The following RFX3 variants were observed in gnomAD, a reference collection of about 807,000 sequenced individuals.
RFX3 encodes regulatory factor X3, also known as transcription factor RFX3.
In RFX3, 14 loss-of-function variants were observed where a neutral mutation model predicts 98.6. The ratio of observed to expected loss-of-function variants is 0.14; its 90% CI spans 0.09 to 0.22. The LOEUF (loss-of-function observed/expected upper bound fraction) is 0.22, where lower values mean the gene tolerates loss of function less well. Ranked by LOEUF, RFX3 falls within the 10% of genes least tolerant of loss-of-function variation. The pLI, the probability that RFX3 is intolerant of heterozygous loss-of-function variation, is 1.00. For missense variants in RFX3, 639 were observed against 926.9 expected (o/e 0.69, Z 4.03); for synonymous variants, 383 against 328.4 (o/e 1.17, Z -1.80).
chr9:3,375,249 T>A (rs1838328544), intron 2 of RFX3, among the ~76,000 whole-genome samples: 2 of 152,220 alleles, frequency 1.3e-5, no homozygotes, highest in South Asian at 4.1e-4. Flanking sequence ...CCAGTCAGAA[T>A]TATAGGAGTG....
chr9:3,275,137 T>C (rs978790594), intron 9 of RFX3, among the ~76,000 whole-genome samples: 2 of 151,820 alleles, frequency 1.3e-5, no homozygotes, highest in Admixed American at 1.3e-4. Context: ...ATAAAGAAAT[T>C]ATAACCAATC....
chr9:3,233,893 ATCAT>A (rs1563774148), intron 15 of RFX3, among the ~76,000 whole-genome samples: 1 of 152,176 alleles, frequency 6.6e-6, no homozygotes, highest in African/African-American at 2.4e-5. Context: ...TATAAATATC[ATCAT>A]TATCTCCCAA....
intron 2 of RFX3, chr9:3,364,465 G>A (rs745833585): frequency 1.2e-4 from 31 of 261,812 alleles, no homozygotes; most frequent in African/African-American, 7.0e-5. Context: ...GAAGTTATTT[G>A]CTTCTTTGAA....
At chr9:3,505,181 T>A (rs1263741840) in intron 1 of RFX3, among the ~76,000 whole-genome samples, 2 of 96,962 alleles carry the variant, frequency 2.1e-5, no homozygotes, top group Non-Finnish European at 3.6e-5. Flanking sequence ...TTCATATAAA[T>A]ATATATATGA....
chr9:3,280,875 G>A (rs1450493227), intron 7 of RFX3, among the ~76,000 whole-genome samples: 1 of 151,576 alleles, frequency 6.6e-6, no homozygotes, highest in Non-Finnish European at 1.5e-5. Context: ...GCCCAATGTT[G>A]TAGAAATACA....
At position 3,324,577 on chromosome 9, in the gene RFX3, C is replaced by T. The variant is rs1388527065; in HGVS notation, c.474+5682G>A. On this transcript the variant is annotated intron_variant, in intron 4 of 16. Coordinates refer to ENST00000617270, the MANE Select transcript of RFX3 (RefSeq NM_001282116.2). ...AAAGCAAGATGCGGCATTTTTCTTA[C>T]CATTTGTGTAAAAAAAAAAAAAAGA... Among the ~76,000 whole-genome samples, 4 of 141,600 alleles carry T rather than the reference C, an allele frequency of 2.8e-5. No individual in the cohort carries two copies. The East Asian group carries it at 8.0e-4, about 28-fold the overall frequency. The allele number at this position is 141,600 out of a possible 152,430, so 92.9% of individuals were successfully genotyped here.
At chr9:3,245,423 A>T (rs182821415) in intron 15 of RFX3, among the ~76,000 whole-genome samples, 1 of 152,306 alleles carries the variant, frequency 6.6e-6, no homozygotes, top group African/African-American at 2.4e-5. Context: ...GCAGGGCCAG[A>T]TCATGCAAGA....
At chr9:3,371,433 C>A (rs1260776470) in intron 2 of RFX3, among the ~76,000 whole-genome samples, 1 of 152,130 alleles carries the variant, frequency 6.6e-6, no homozygotes, top group African/African-American at 2.4e-5. Context: ...ATTACAATAA[C>A]TATCAAATAA....
intron 1 of RFX3, among the ~76,000 whole-genome samples, chr9:3,520,987 T>C (rs1186664611): frequency 2.0e-5 from 3 of 152,228 alleles, no homozygotes; most frequent in African/African-American, 7.2e-5. Flanking sequence ...CAGAATTATC[T>C]AGATAATGTC....
intron 14 of RFX3, among the ~76,000 whole-genome samples, chr9:3,251,133 G>T (rs1586740982): frequency 6.6e-6 from 1 of 152,090 alleles, no homozygotes; most frequent in Non-Finnish European, 1.5e-5. Context: ...GAAATAGTAT[G>T]AGGACGTTAA....
intron 1 of RFX3, among the ~76,000 whole-genome samples, chr9:3,396,272 T>G (rs1449892547): frequency 6.6e-6 from 1 of 152,046 alleles, no homozygotes; most frequent in African/African-American, 2.4e-5. Flanking sequence ...TTCCCACCTA[T>G]GAGTGAGAAC....
chr9:3,243,822 T>C (rs1820274269), intron 15 of RFX3, among the ~76,000 whole-genome samples: 1 of 152,144 alleles, frequency 6.6e-6, no homozygotes. Context: ...CCCTTGAAAT[T>C]GTTCCTACTC....
At chr9:3,258,879 T>C (rs764798309) in intron 13 of RFX3, among the ~76,000 whole-genome samples, 4 of 151,458 alleles carry the variant, frequency 2.6e-5, no homozygotes, top group African/African-American at 9.7e-5. Flanking sequence ...CACATATATC[T>C]ACACATACAT....
At chr9:3,229,525 C>G (rs116614221) in intron 15 of RFX3, among the ~76,000 whole-genome samples, 2,366 of 152,296 alleles carry the variant, frequency 0.016, 26 homozygotes, top group African/African-American at 0.019. Flanking sequence ...TAATAGCCTT[C>G]GGCTTAGACA....
Position 3,288,677 on chromosome 9 carries a change from T to C in RFX3, c.732-427A>G, listed in dbSNP as rs538827220. ...ACGTATTTATTGTAAAGCATGTATA[T>C]AGAACAAAGAAAAAATCTTAATTCT... On this transcript the variant is annotated intron_variant, in intron 6 of 16. Transcript: ENST00000617270. Among the ~76,000 whole-genome samples the C allele has an allele frequency of 3.3e-5, 5 of 152,182 alleles. No homozygotes were observed. The South Asian group carries it at 8.3e-4, about 25-fold the overall frequency.
intron 1 of RFX3, among the ~76,000 whole-genome samples, chr9:3,442,256 C>G (rs1486838913): frequency 6.6e-6 from 1 of 151,802 alleles, no homozygotes; most frequent in East Asian, 1.9e-4. Flanking sequence ...CTAATATTAC[C>G]TTAGGTAATC....
At chr9:3,388,575 T>G (rs1169273395) in intron 2 of RFX3, among the ~76,000 whole-genome samples, 1 of 152,080 alleles carries the variant, frequency 6.6e-6, no homozygotes. Flanking sequence ...CCTTCTCTAG[T>G]CTATCTAGGC....
intron 1 of RFX3, among the ~76,000 whole-genome samples, chr9:3,415,145 C>CT (rs1842873514): frequency 7.8e-6 from 1 of 127,908 alleles, no homozygotes; most frequent in African/African-American, 2.9e-5. Flanking sequence ...TATCTATATA[C>CT]TATATATATT....
At chr9:3,303,184 G>C (rs1304984542) in intron 4 of RFX3, among the ~76,000 whole-genome samples, 5 of 151,816 alleles carry the variant, frequency 3.3e-5, no homozygotes, top group Non-Finnish European at 7.4e-5. Flanking sequence ...TGAAAATAGT[G>C]ATACTGCACA....
Sources: gnomAD v4.1 joint callset for allele counts (sites outside exome capture counted in the v4.1 genomes callset) on GRCh38, gnomAD v4.1.1 for gene constraint, MANE v1.5 for transcripts, NCBI Gene and HGNC (gene_info 2026-07-23, HGNC 2026-07-21) for gene names.